Variants in PPP6R3 observed in about 807,000 individuals in gnomAD.
PPP6R3 encodes serine/threonine-protein phosphatase 6 regulatory subunit 3.
In PPP6R3, 38 loss-of-function variants were observed where a neutral mutation model predicts 110.7. The ratio of observed to expected loss-of-function variants is 0.34; its 90% CI spans 0.26 to 0.45. PPP6R3 has a LOEUF of 0.45. Among genes scored for constraint, PPP6R3 ranks in the 20% least tolerant of loss-of-function variants. The pLI is 1.00. For synonymous variants in PPP6R3, 369 were observed against 373.5 expected, an observed-to-expected ratio of 0.99 and a Z score of 0.14; for missense variants, 870 against 1,062.4, an observed-to-expected ratio of 0.82 and a Z score of 2.52.
chr11:68,479,321 G>A (rs2098880525), intron 1 of PPP6R3, among the ~76,000 whole-genome samples: 1 of 152,198 alleles, frequency 6.6e-6, no homozygotes, highest in African/African-American at 2.4e-5. Flanking sequence ...GGAATAAACT[G>A]TGTTGTGTGC....
chr11:68,521,052 G>A (rs139929644), intron 2 of PPP6R3, among the ~76,000 whole-genome samples: 285 of 152,256 alleles, frequency 1.9e-3, no homozygotes, highest in Non-Finnish European at 3.4e-3. Context: ...TATTACAGGC[G>A]TGAGCCACCG....
chr11:68,467,861 G>A (rs751135789), intron 1 of PPP6R3, among the ~76,000 whole-genome samples: 5 of 152,170 alleles, frequency 3.3e-5, no homozygotes, highest in Non-Finnish European at 7.3e-5. Context: ...TGCAACCTCC[G>A]CCTTACAGGT....
rs575843362 is a variant in PPP6R3, at chr11:68,496,984, C to T, written c.-157-22517C>T. Among the ~76,000 whole-genome samples, 18 of 150,936 alleles carry T rather than the reference C, an allele frequency of 1.2e-4. No homozygotes were observed. The East Asian group carries it at 1.4e-3, about 12-fold the overall frequency. ...TCACGCCGTTCTCTTGCTTCAACCT[C>T]GCGAGTAGCTGGGACTACAGGTGCC... On this transcript the variant is annotated intron_variant, in intron 1 of 23. Coordinates refer to ENST00000393800, the MANE Select transcript of PPP6R3 (RefSeq NM_001164161.2).
Position 68,481,550 on chromosome 11 carries a change from T to C in PPP6R3, c.-158+20723T>C, listed in dbSNP as rs1451447507. Reference sequence around the variant, plus strand: ...GGATGAGAAAGGATTGTAGAGGACATGGGTTAGAGAGAGCGAGCTGGTTTA... The same window carrying C: ...GGATGAGAAAGGATTGTAGAGGACACGGGTTAGAGAGAGCGAGCTGGTTTA... On this transcript the variant is annotated intron_variant, in intron 1 of 23. Transcript: ENST00000393800. Among the ~76,000 whole-genome samples the C allele has an allele frequency of 2.6e-5, 4 of 152,206 alleles. No individual in the cohort carries two copies. The East Asian group carries it at 7.7e-4, about 29-fold the overall frequency.
intron 1 of PPP6R3, among the ~76,000 whole-genome samples, chr11:68,512,844 A>G (rs933888303): frequency 6.6e-6 from 1 of 152,226 alleles, no homozygotes; most frequent in Non-Finnish European, 1.5e-5. Context: ...TTGTGCTGGC[A>G]TTGTACAAGT....
rs750060284 is a variant in PPP6R3, at chr11:68,535,967, G to A, written c.-6-1692G>A. Among the ~76,000 whole-genome samples the A allele has an allele frequency of 5.9e-5, 9 of 151,728 alleles. No homozygotes were observed. The South Asian group carries it at 6.2e-4, about 11-fold the overall frequency. ...GGGTGACAGAGCAAGACTCTGTCTC[G>A]CAAAAAACAAACAAAAAACTCTGCC... On this transcript the variant is annotated intron_variant, in intron 2 of 23. Transcript: ENST00000393800.
chr11:68,612,882 GCACT>G (rs1302600615), intron 23 of PPP6R3, 180 bp from the exon 24 acceptor site: 3 of 1,174,156 alleles, frequency 2.6e-6, no homozygotes, highest in East Asian at 2.8e-5. Flanking sequence ...AAGCTTAGAT[GCACT>G]CACTCAGATT....
At position 68,583,334 on chromosome 11, in the gene PPP6R3, C is replaced by T. The variant is rs372420970; in HGVS notation, c.1632+205C>T. On this transcript the variant is annotated intron_variant, in intron 15 of 23. Transcript: ENST00000393800. ...GTTATGTTTCAAGGGATTGTTCCAT[C>T]CCTGATAACAGTGATGAGTCAAGTA... 3.3e-5 allele frequency among the ~76,000 whole-genome samples: 5 copies of T among 152,250 alleles called. No individual in the cohort carries two copies. The East Asian group carries it at 7.7e-4, about 23-fold the overall frequency.
chr11:68,596,363 G>A (rs1305768942), intron 19 of PPP6R3, 145 bp downstream of exon 19: 1 of 1,173,510 alleles, frequency 8.5e-7, no homozygotes, highest in African/African-American at 1.5e-5. Context: ...ATTCCTCTTG[G>A]AGGTTTAAGT....
rs1205081123 is a variant in PPP6R3 at position 68,515,875 on chromosome 11, CA to C, written c.-157-3625del. Among the ~76,000 whole-genome samples, 6 of 152,290 alleles carry C rather than the reference CA, an allele frequency of 3.9e-5. No individual in the cohort carries two copies. The South Asian group carries it at 1.2e-3, about 32-fold the overall frequency. ...CTTCAGAATTCTTTAGACATTGCCCCATTATCATTTTTTTATTGTAATAAAA... is the reference window on the plus strand; with the variant it reads ...CTTCAGAATTCTTTAGACATTGCCCCTTATCATTTTTTTATTGTAATAAAA... On this transcript the variant is annotated intron_variant, in intron 1 of 23. Coordinates refer to ENST00000393800, the MANE Select transcript of PPP6R3 (RefSeq NM_001164161.2).
intron 7 of PPP6R3, 33 bp downstream of exon 7, chr11:68,554,290 C>T (rs757379426): frequency 6.8e-7 from 1 of 1,479,914 alleles, no homozygotes; most frequent in East Asian, 2.3e-5. Flanking sequence ...GTTCTTCTTT[C>T]ATATTGATGC....
chr11:68,485,979 G>C (rs1427128941), intron 1 of PPP6R3, among the ~76,000 whole-genome samples: 1 of 150,498 alleles, frequency 6.6e-6, no homozygotes, highest in Non-Finnish European at 1.5e-5. Flanking sequence ...AGACCAGCCT[G>C]AGTGACACAG....
chr11:68,599,063 T>C (rs1251037919), intron 19 of PPP6R3, among the ~76,000 whole-genome samples: 1 of 152,224 alleles, frequency 6.6e-6, no homozygotes, highest in African/African-American at 2.4e-5. Context: ...GTCAAGTCTG[T>C]CTTTAAACTC....
chr11:68,466,124 A>G (rs924989197), intron 1 of PPP6R3, among the ~76,000 whole-genome samples: 1 of 152,162 alleles, frequency 6.6e-6, no homozygotes, highest in African/African-American at 2.4e-5. Flanking sequence ...TGCTACTTCA[A>G]GTGGGAGGGG....
At chr11:68,515,671 T>G (rs2153555748) in intron 1 of PPP6R3, among the ~76,000 whole-genome samples, 1 of 152,330 alleles carries the variant, frequency 6.6e-6, no homozygotes, top group Middle Eastern at 3.4e-3. Flanking sequence ...GGCCTTTCCT[T>G]GGGTTCATGT....
rs563187152 is a variant in PPP6R3, at chr11:68,511,805, G to T, written c.-157-7696G>T. Among the ~76,000 whole-genome samples, 296 of 152,032 alleles carry T rather than the reference G, an allele frequency of 1.9e-3. 2 individuals are homozygous for T. The highest frequency in any genetic ancestry group is 5.6e-3 in the African/African-American group (232 of 41,438). Reference sequence around the variant, plus strand: ...CGTGTGTGTGTGTGTGTGTGTGTGTGTTTTTTAAATGTACTTATCACTAAT... The same window carrying T: ...CGTGTGTGTGTGTGTGTGTGTGTGTTTTTTTTAAATGTACTTATCACTAAT... On this transcript the variant is annotated intron_variant, in intron 1 of 23. Coordinates refer to ENST00000393800, the MANE Select transcript of PPP6R3 (RefSeq NM_001164161.2).
chr11:68,609,167 C>G (rs1458486167), intron 22 of PPP6R3, among the ~76,000 whole-genome samples: 3 of 152,208 alleles, frequency 2.0e-5, no homozygotes, highest in African/African-American at 7.2e-5. Flanking sequence ...GAGAGTGTCT[C>G]TTGTGTCTTT....
intron 22 of PPP6R3, among the ~76,000 whole-genome samples, chr11:68,608,370 A>T (rs1941506544): frequency 6.6e-6 from 1 of 152,252 alleles, no homozygotes; most frequent in Non-Finnish European, 1.5e-5. Flanking sequence ...ATAGGACTTG[A>T]TACTCTTCTT....
At chr11:68,587,391 AATTTTTTT>A (rs1426772874) in intron 15 of PPP6R3, 2 of 156,780 alleles carry the variant, frequency 1.3e-5, no homozygotes, top group Non-Finnish European at 2.8e-5. Flanking sequence ...TCTAAGACTT[AATTTTTTT>A]AAAAAAAGAA....
Sources: gnomAD v4.1 joint callset for allele counts (sites outside exome capture counted in the v4.1 genomes callset) on GRCh38, gnomAD v4.1.1 for gene constraint, MANE v1.5 for transcripts, NCBI Gene and HGNC (gene_info 2026-07-23, HGNC 2026-07-21) for gene names.